The following CAMTA1 variants were observed in gnomAD, a reference collection of about 807,000 sequenced individuals.
The protein encoded by CAMTA1 is calmodulin binding transcription activator 1.
CAMTA1 carries 27 observed loss-of-function variants against 170.9 expected under a neutral mutation model. The ratio of observed to expected loss-of-function variants is 0.16; its 90% CI spans 0.12 to 0.22. The LOEUF (loss-of-function observed/expected upper bound fraction) is 0.22. CAMTA1 is among the 10% of genes least tolerant of loss of function. The probability of loss-of-function intolerance (pLI) is 1.00; values close to 1 mark genes in which losing one functional copy is unlikely to be tolerated. For missense variants in CAMTA1, 1,619 were observed against 2,217.2 expected (o/e 0.73, Z 5.42); for synonymous variants, 833 against 891.5 (o/e 0.93, Z 1.17).
chr1:7,760,450 T>C (rs1409756812), intron 22 of CAMTA1, among the ~76,000 whole-genome samples: 1 of 152,238 alleles, frequency 6.6e-6, no homozygotes, highest in Non-Finnish European at 1.5e-5. Context: ...GGTCAACAAA[T>C]GTGTTCTCAC....
chr1:7,355,844 A>G (rs79385186), intron 5 of CAMTA1, among the ~76,000 whole-genome samples: 1 of 145,326 alleles, frequency 6.9e-6, no homozygotes, highest in Non-Finnish European at 1.5e-5. Context: ...TTGGCGTTGC[A>G]CATCTGTTCC....
At chr1:7,194,388 T>C (rs1255946755) in intron 4 of CAMTA1, among the ~76,000 whole-genome samples, 1 of 152,222 alleles carries the variant, frequency 6.6e-6, no homozygotes, top group Non-Finnish European at 1.5e-5. Context: ...TTTGGACAGG[T>C]ATTGAATATA....
chr1:7,250,997 C>T (rs901831540), intron 5 of CAMTA1, among the ~76,000 whole-genome samples: 41 of 152,274 alleles, frequency 2.7e-4, no homozygotes, highest in African/African-American at 9.1e-4. Context: ...CTGGGAGGAC[C>T]CTCATCTCCT....
At position 7,608,686 on chromosome 1, in the gene CAMTA1, A is replaced by G. The variant is rs149730268; in HGVS notation, c.511-31714A>G. On this transcript the variant is annotated intron_variant, in intron 6 of 22. Coordinates refer to ENST00000303635, the MANE Select transcript of CAMTA1 (RefSeq NM_015215.4). ...ATTGCTTGTAGCTTCCACACTGGCC[A>G]TCAGTTTGATCTGAGCTCAAGGGTG... Among the ~76,000 whole-genome samples the G allele has an allele frequency of 7.9e-5, 12 of 152,290 alleles. 1 individual carries two copies. The East Asian group carries it at 2.1e-3, about 27-fold the overall frequency.
chr1:7,568,870 C>T (rs1219731829), intron 6 of CAMTA1, among the ~76,000 whole-genome samples: 1 of 151,312 alleles, frequency 6.6e-6, no homozygotes, highest in African/African-American at 2.4e-5. Flanking sequence ...TCATCAACAT[C>T]ACCATCATCA....
At chr1:7,094,944 A>C (rs1572988246) in intron 4 of CAMTA1, among the ~76,000 whole-genome samples, 1 of 152,204 alleles carries the variant, frequency 6.6e-6, no homozygotes, top group African/African-American at 2.4e-5. Flanking sequence ...CTTGGAAAGA[A>C]GAGTGTCCTC....
intron 3 of CAMTA1, among the ~76,000 whole-genome samples, chr1:6,960,324 G>A (rs1202667810): frequency 2.6e-5 from 4 of 152,160 alleles, no homozygotes; most frequent in African/African-American, 9.7e-5. Context: ...GGCCAAGTTA[G>A]AAACAGAGGC....
In CAMTA1 at chr1:7,767,968, A is replaced by AT. The variant is rs1463555184; in HGVS notation, c.*1484dup. 4.6e-5 allele frequency: 7 copies of AT among 152,582 alleles called. No homozygotes were observed. Among genetic ancestry groups the AT allele is most frequent in the African/African-American group, 1.4e-4 (6 of 41,524 alleles). The allele number at this position is 152,582 out of a possible 1,614,324, so 9.5% of individuals were successfully genotyped here. ...AGGAGTTTAGTTTATTTTATTTAAAATTTTTTTGCCAATGGTGCCAAGTAA... is the reference window on the plus strand; with the variant it reads ...AGGAGTTTAGTTTATTTTATTTAAAATTTTTTTTGCCAATGGTGCCAAGTAA... On this transcript the variant is annotated 3_prime_UTR_variant, in exon 23 of 23. Coordinates refer to ENST00000303635, the MANE Select transcript of CAMTA1 (RefSeq NM_015215.4).
chr1:6,822,700 A>G (rs1056768247), intron 2 of CAMTA1, among the ~76,000 whole-genome samples: 3 of 151,980 alleles, frequency 2.0e-5, no homozygotes, highest in African/African-American at 7.3e-5. Flanking sequence ...GGTCACATTT[A>G]CCACTGCCTG....
intron 5 of CAMTA1, among the ~76,000 whole-genome samples, chr1:7,345,750 A>G (rs1028880076): frequency 6.6e-6 from 1 of 152,216 alleles, no homozygotes; most frequent in Non-Finnish European, 1.5e-5. Flanking sequence ...TCAGGGCTTC[A>G]TGCCTGAGAG....
intron 5 of CAMTA1, among the ~76,000 whole-genome samples, chr1:7,292,055 G>C (rs1006469886): frequency 6.6e-6 from 1 of 152,110 alleles, no homozygotes; most frequent in African/African-American, 2.4e-5. Context: ...GCAGAAATTC[G>C]CAATTAAATC....
At chr1:6,856,891 G>A (rs1346264655) in intron 3 of CAMTA1, among the ~76,000 whole-genome samples, 1 of 152,062 alleles carries the variant, frequency 6.6e-6, no homozygotes, top group African/African-American at 2.4e-5. Context: ...GGAAGAGCTC[G>A]GCATGTCTGA....
At chr1:7,581,639 C>A (rs949225961) in intron 6 of CAMTA1, among the ~76,000 whole-genome samples, 1 of 152,218 alleles carries the variant, frequency 6.6e-6, no homozygotes, top group East Asian at 1.9e-4. Context: ...GTGGGCCTTG[C>A]GGTCCTTGAG....
At chr1:6,837,958 T>C (rs1387182534) in intron 3 of CAMTA1, among the ~76,000 whole-genome samples, 3 of 152,200 alleles carry the variant, frequency 2.0e-5, no homozygotes, top group Non-Finnish European at 2.9e-5. Flanking sequence ...ATCTTTTCAC[T>C]GTGTATTGTC....
intron 4 of CAMTA1, among the ~76,000 whole-genome samples, chr1:7,214,520 C>G (rs1208082702): frequency 6.6e-6 from 1 of 152,122 alleles, no homozygotes; most frequent in African/African-American, 2.4e-5. Context: ...GTGCCTACCA[C>G]CACTCCTGGC....
At chr1:7,492,629 G>T (rs1020003262) in intron 6 of CAMTA1, among the ~76,000 whole-genome samples, 1 of 83,926 alleles carries the variant, frequency 1.2e-5, no homozygotes, top group Non-Finnish European at 2.3e-5. Flanking sequence ...ACATACACGC[G>T]CACACAAACA....
intron 3 of CAMTA1, among the ~76,000 whole-genome samples, chr1:6,878,027 C>T (rs569103118): frequency 2.1e-4 from 32 of 152,304 alleles, no homozygotes; most frequent in African/African-American, 7.2e-4. Context: ...ATAGACTGCA[C>T]GTATCTGTGC....
At chr1:7,253,425 G>A (rs536857233) in intron 5 of CAMTA1, among the ~76,000 whole-genome samples, 47 of 152,264 alleles carry the variant, frequency 3.1e-4, no homozygotes, top group African/African-American at 9.9e-4. Flanking sequence ...TCCTGTGTCC[G>A]CATCTCTCTG....
Position 7,532,280 on chromosome 1 carries a change from C to T in CAMTA1, c.510+64379C>T, listed in dbSNP as rs1013431134. 3.9e-5 allele frequency among the ~76,000 whole-genome samples: 6 copies of T among 152,126 alleles called. No homozygotes were observed. Among genetic ancestry groups the T allele is most frequent in the Non-Finnish European group, 7.4e-5 (5 of 68,024 alleles). On this transcript the variant is annotated intron_variant, in intron 6 of 22. Coordinates refer to ENST00000303635, the MANE Select transcript of CAMTA1 (RefSeq NM_015215.4). The surrounding 1 kb of genome is among the most constrained non-coding windows in gnomAD (Gnocchi z 4.2). ...ACTGCCACTCACCCTCCGAGGTGGC[C>T]ATCTTCTCAGCTTCTTTCATTTCTT...
Sources: allele counts gnomAD v4.1 joint callset (sites outside exome capture counted in the v4.1 genomes callset), GRCh38; gene constraint gnomAD v4.1.1; non-coding constraint Gnocchi (gnomAD v3.1); transcripts MANE v1.5; gene names NCBI Gene and HGNC (gene_info 2026-07-23, HGNC 2026-07-21).